The following NTNG1 variants were observed in gnomAD, a reference collection of about 807,000 sequenced individuals.
The protein encoded by NTNG1 is netrin-G1.
A neutral mutation model predicts 54.0 loss-of-function variants in NTNG1; 16 were observed. The ratio of observed to expected loss-of-function variants is 0.30; its 90% CI spans 0.20 to 0.45. The LOEUF is 0.45. Among genes scored for constraint, NTNG1 ranks in the 20% least tolerant of loss-of-function variants. NTNG1 has a pLI of 1.00. For synonymous variants in NTNG1, 255 were observed against 263.1 expected (o/e 0.97, Z 0.30); for missense variants, 530 against 678.7 (o/e 0.78, Z 2.43).
intron 2 of NTNG1, among the ~76,000 whole-genome samples, chr1:107,152,567 A>G (rs1253230227): frequency 6.6e-6 from 1 of 152,222 alleles, no homozygotes; most frequent in East Asian, 1.9e-4. Context: ...AAAGGAGCCT[A>G]CAGACGGAAG....
intron 2 of NTNG1, among the ~76,000 whole-genome samples, chr1:107,192,910 T>C (rs1161670942): frequency 6.6e-6 from 1 of 152,106 alleles, no homozygotes; most frequent in Non-Finnish European, 1.5e-5. Flanking sequence ...ATGAGAATCA[T>C]TGACTAATTT....
intron 3 of NTNG1, among the ~76,000 whole-genome samples, chr1:107,345,189 G>C (rs1669142910): frequency 6.6e-6 from 1 of 152,188 alleles, no homozygotes; most frequent in Non-Finnish European, 1.5e-5. Flanking sequence ...GAATTTAAAT[G>C]CAGAGTTCCA....
chr1:107,358,341 A>T (rs555204202), intron 3 of NTNG1, among the ~76,000 whole-genome samples: 3 of 151,718 alleles, frequency 2.0e-5, no homozygotes, highest in African/African-American at 7.3e-5. Flanking sequence ...ATAGATGGGC[A>T]TGAGGAGATA....
At chr1:107,457,817 C>A (rs1435475965) in intron 7 of NTNG1, among the ~76,000 whole-genome samples, 1 of 151,942 alleles carries the variant, frequency 6.6e-6, no homozygotes, top group Non-Finnish European at 1.5e-5. Flanking sequence ...TAATACTTTG[C>A]CGTAACATCT....
chr1:107,352,803 T>G (rs927673952), intron 3 of NTNG1, among the ~76,000 whole-genome samples: 1 of 152,250 alleles, frequency 6.6e-6, no homozygotes, highest in Non-Finnish European at 1.5e-5. Flanking sequence ...AAATAAGTTC[T>G]GTGCACCTGC....
chr1:107,460,347 G>A (rs1677205556), intron 7 of NTNG1: 1 of 517,902 alleles, frequency 1.9e-6, no homozygotes, highest in East Asian at 5.5e-5. Context: ...TCAGAAAGAG[G>A]TGAGCTCATT....
intron 4 of NTNG1, among the ~76,000 whole-genome samples, chr1:107,405,729 A>C (rs919398110): frequency 5.9e-5 from 9 of 152,104 alleles, no homozygotes; most frequent in African/African-American, 2.2e-4. Flanking sequence ...CCCAACTTCC[A>C]TTCTCTTTGA....
chr1:107,277,739 T>C (rs1250847865), intron 2 of NTNG1, among the ~76,000 whole-genome samples: 2 of 152,170 alleles, frequency 1.3e-5, no homozygotes, highest in Admixed American at 6.5e-5. Context: ...ATTTGACAAA[T>C]TGTTGATGCT....
chr1:107,467,521 C>T (rs901512908), intron 7 of NTNG1, among the ~76,000 whole-genome samples: 1 of 152,170 alleles, frequency 6.6e-6, no homozygotes, highest in East Asian at 1.9e-4. Flanking sequence ...GAAGTGGCCT[C>T]TTTTACAGAT....
intron 1 of NTNG1, 143 bp from the exon 2 acceptor site, chr1:107,147,926 C>G (rs1229215348): frequency 6.6e-6 from 1 of 152,140 alleles, no homozygotes; most frequent in Non-Finnish European, 1.5e-5. Flanking sequence ...TTTGCTCATT[C>G]TAGCAAAGCA....
At chr1:107,199,660 C>A (rs1173750841) in intron 2 of NTNG1, among the ~76,000 whole-genome samples, 1 of 151,972 alleles carries the variant, frequency 6.6e-6, no homozygotes, top group East Asian at 1.9e-4. Flanking sequence ...CAATTTTAAA[C>A]TGATTTATTC....
intron 3 of NTNG1, among the ~76,000 whole-genome samples, chr1:107,382,190 T>A (rs1232918513): frequency 6.6e-6 from 1 of 152,042 alleles, no homozygotes; most frequent in Non-Finnish European, 1.5e-5. Flanking sequence ...GGTATTGGGG[T>A]GTGCAAAAGC....
At chr1:107,469,221 T>G (rs1333930955) in intron 7 of NTNG1, among the ~76,000 whole-genome samples, 1 of 152,186 alleles carries the variant, frequency 6.6e-6, no homozygotes, top group Non-Finnish European at 1.5e-5. Context: ...GAAGAATGAC[T>G]TAATACAAGT....
intron 2 of NTNG1, among the ~76,000 whole-genome samples, chr1:107,252,095 C>T (rs1006605768): frequency 7.2e-5 from 11 of 152,132 alleles, no homozygotes; most frequent in African/African-American, 2.7e-4. Flanking sequence ...CTGCATCAGA[C>T]GTTGTGAACT....
intron 2 of NTNG1, among the ~76,000 whole-genome samples, chr1:107,319,618 G>T (rs1667530348): frequency 6.6e-6 from 1 of 152,032 alleles, no homozygotes; most frequent in Admixed American, 6.6e-5. Flanking sequence ...GATGCAAATG[G>T]GTGCAGGACA....
At chr1:107,287,961 GA>G (rs1393048321) in intron 2 of NTNG1, among the ~76,000 whole-genome samples, 1 of 152,104 alleles carries the variant, frequency 6.6e-6, no homozygotes, top group East Asian at 1.9e-4. Context: ...AACCACCTGG[GA>G]GAATTTTGAG....
chr1:107,480,632 T>G lies in NTNG1; in HGVS notation c.1412T>G (p.Leu471Arg). Residue 471 changes from leucine to arginine, a missense_variant, in exon 8 of 8, where the codon CTC becomes CGC. Transcript: ENST00000370068. ...GCQPNVCDNE[L>R]LHCQNGGTCH... ...GCAGCGAATGTCTGCGACAACGAGC[T>G]CCTGCACTGCCAGAACGGAGGGACG... The G allele has an allele frequency of 7.7e-7, 1 of 1,306,414 alleles. No homozygotes were observed. Among genetic ancestry groups the G allele is most frequent in the Non-Finnish European group, 1.0e-6 (1 of 993,730 alleles). The allele number at this position is 1,306,414 out of a possible 1,614,324, so 80.9% of individuals were successfully genotyped here. A position where few individuals can be genotyped will look rare whatever the true frequency, so the allele number is the denominator to read the frequency against.
chr1:107,414,142 C>G (rs1458919639), intron 5 of NTNG1, among the ~76,000 whole-genome samples: 9 of 152,170 alleles, frequency 5.9e-5, no homozygotes, highest in Admixed American at 3.9e-4. Context: ...GCTTGACTCA[C>G]TGGGACGTCA....
At chr1:107,376,448 A>C (rs981179979) in intron 3 of NTNG1, among the ~76,000 whole-genome samples, 1 of 151,824 alleles carries the variant, frequency 6.6e-6, no homozygotes, top group African/African-American at 2.4e-5. Context: ...AAAATTTGCT[A>C]TTGTATTTCC....
Sources: gnomAD v4.1 joint callset for allele counts (sites outside exome capture counted in the v4.1 genomes callset) on GRCh38, gnomAD v4.1.1 for gene constraint, MANE v1.5 for transcripts, NCBI Gene and HGNC (gene_info 2026-07-23, HGNC 2026-07-21) for gene names.